Variants in ZNRF1 observed in about 807,000 individuals in gnomAD.
ZNRF1 encodes zinc and ring finger 1, also known as E3 ubiquitin-protein ligase ZNRF1.
In ZNRF1, 3 loss-of-function variants were observed where a neutral mutation model predicts 18.4. That is an observed-to-expected ratio of 0.16 (90% CI 0.07 to 0.42). The LOEUF is 0.42. ZNRF1 is among the 10% of genes least tolerant of loss of function. ZNRF1 has a pLI of 0.99. For synonymous variants in ZNRF1, 157 were observed against 144.2 expected (o/e 1.09, Z -0.64); for missense variants, 310 against 329.8 (o/e 0.94, Z 0.47).
At chr16:75,042,122 A>T (rs1358767686) in intron 1 of ZNRF1, among the ~76,000 whole-genome samples, 1 of 152,216 alleles carries the variant, frequency 6.6e-6, no homozygotes. Context: ...GTGAGTTGTA[A>T]GAGTTTATGT....
intron 1 of ZNRF1, among the ~76,000 whole-genome samples, chr16:75,074,785 A>T (rs1197619555): frequency 6.6e-6 from 1 of 152,086 alleles, no homozygotes; most frequent in African/African-American, 2.4e-5. Flanking sequence ...AGGTTTTTTT[A>T]GGCCCAGTGC....
At chr16:75,029,776 A>G (rs928444885) in intron 1 of ZNRF1, among the ~76,000 whole-genome samples, 1 of 149,760 alleles carries the variant, frequency 6.7e-6, no homozygotes, top group African/African-American at 2.5e-5. Context: ...CTCAGAACAA[A>G]CAAACAAAAA....
At chr16:75,077,003 C>T (rs1360932830) in intron 1 of ZNRF1, among the ~76,000 whole-genome samples, 2 of 152,078 alleles carry the variant, frequency 1.3e-5, no homozygotes, top group Non-Finnish European at 2.9e-5. Flanking sequence ...TTAAGCCGTC[C>T]AGTCTGCAGT....
At chr16:75,012,738 G>A (rs113517078) in intron 1 of ZNRF1, among the ~76,000 whole-genome samples, 8 of 152,206 alleles carry the variant, frequency 5.3e-5, no homozygotes, top group African/African-American at 1.9e-4. Flanking sequence ...CAGTTTCTCG[G>A]GACTCATGTC....
Position 74,999,982 on chromosome 16 carries a change from A to G in ZNRF1, c.311A>G (p.Gln104Arg), listed in dbSNP as rs778939696. 2 of 1,584,778 alleles carry G rather than the reference A, an allele frequency of 1.3e-6. No homozygotes were observed. Among genetic ancestry groups the G allele is most frequent in the Admixed American group, 1.8e-5 (1 of 55,232 alleles). The change falls in exon 1 of 5, where the codon CAG becomes CGG. Residue 104 changes from glutamine (Q) to arginine (R), a missense_variant. By Grantham distance (43) the Gln-to-Arg change is conservative. Coordinates refer to ENST00000335325, the MANE Select transcript of ZNRF1 (RefSeq NM_032268.5). The part of the protein sequence containing the change: ...DSTYAHGNGY[Q>R]ETGGGHHRDG... ...ACCTATGCCCATGGCAATGGTTACC[A>G]GGAGACGGGCGGCGGTCACCATAGA...
intron 1 of ZNRF1, 119 bp downstream of exon 1, chr16:75,000,214 T>G: frequency 1.5e-6 from 2 of 1,373,966 alleles, no homozygotes; most frequent in Non-Finnish European, 2.0e-6. Context: ...GCATTCCCTT[T>G]GGTTCCCGAT....
intron 1 of ZNRF1, among the ~76,000 whole-genome samples, chr16:75,035,521 A>G (rs1452247166): frequency 2.0e-5 from 3 of 152,204 alleles, no homozygotes; most frequent in Non-Finnish European, 4.4e-5. Context: ...GAGCATAGGC[A>G]GAAGGAGAGA....
intron 1 of ZNRF1, among the ~76,000 whole-genome samples, chr16:75,018,483 G>C (rs1159503944): frequency 6.6e-6 from 1 of 152,062 alleles, no homozygotes; most frequent in African/African-American, 2.4e-5. Context: ...TATGATCATG[G>C]GAATCCTTAT....
intron 1 of ZNRF1, among the ~76,000 whole-genome samples, chr16:75,011,802 C>G (rs1265989827): frequency 6.6e-6 from 1 of 152,152 alleles, no homozygotes; most frequent in Non-Finnish European, 1.5e-5. Flanking sequence ...CTTCCTCAAC[C>G]CAGAGGCCAA....
intron 1 of ZNRF1, among the ~76,000 whole-genome samples, chr16:75,053,370 C>A (rs1055447295): frequency 3.3e-5 from 5 of 152,024 alleles, no homozygotes; most frequent in African/African-American, 1.2e-4. Context: ...AGGTGGATCA[C>A]CTGAGGTCAG....
At chr16:75,038,979 C>G (rs574029241) in intron 1 of ZNRF1, among the ~76,000 whole-genome samples, 1 of 152,068 alleles carries the variant, frequency 6.6e-6, no homozygotes. Flanking sequence ...AGAACCATAT[C>G]TTCTTCTGTG....
intron 1 of ZNRF1, among the ~76,000 whole-genome samples, chr16:75,007,920 C>CAAT (rs1463571770): frequency 6.6e-6 from 1 of 152,050 alleles, no homozygotes; most frequent in African/African-American, 2.4e-5. Flanking sequence ...GGCTGGAGTG[C>CAAT]AATAGCAAGA....
chr16:75,026,311 A>G (rs928256548), intron 1 of ZNRF1, among the ~76,000 whole-genome samples: 16 of 152,066 alleles, frequency 1.1e-4, no homozygotes, highest in African/African-American at 3.6e-4. Context: ...TGTGTGGGCA[A>G]GAGTAAAAGT....
At chr16:75,071,823 A>G (rs745588511) in intron 1 of ZNRF1, among the ~76,000 whole-genome samples, 18 of 152,134 alleles carry the variant, frequency 1.2e-4, no homozygotes, top group Admixed American at 1.3e-4. Context: ...CTTTGAAACA[A>G]TAATCTCCCT....
At chr16:75,050,604 C>A (rs1396636571) in intron 1 of ZNRF1, among the ~76,000 whole-genome samples, 2 of 151,906 alleles carry the variant, frequency 1.3e-5, no homozygotes, top group Non-Finnish European at 1.5e-5. Flanking sequence ...CACGGTGGCT[C>A]ACGCCTGTAA....
In ZNRF1 at chr16:75,109,814, C is replaced by G. The variant is rs1165961352; in HGVS notation, c.*2114C>G. 7 of 152,458 alleles carry G rather than the reference C, an allele frequency of 4.6e-5. No homozygotes were observed. Among genetic ancestry groups the G allele is most frequent in the African/African-American group, 1.7e-4 (7 of 41,602 alleles). The allele number at this position is 152,458 out of a possible 1,614,324, so 9.4% of individuals were successfully genotyped here. A position where few individuals can be genotyped will look rare whatever the true frequency, so the allele number is the denominator to read the frequency against. ...TGCCCTGCAGGTCTTGGCACATGCA[C>G]AGCAGGCTCCCCATAGCTTTGTCAC... On this transcript the variant is annotated 3_prime_UTR_variant, in exon 5 of 5. Transcript: ENST00000335325.
intron 2 of ZNRF1, among the ~76,000 whole-genome samples, chr16:75,098,236 C>T (rs960355498): frequency 2.6e-5 from 4 of 152,308 alleles, no homozygotes; most frequent in South Asian, 2.1e-4. Flanking sequence ...GGAGCGAAAG[C>T]GACTAGGGGA....
chr16:75,048,420 C>G lies in ZNRF1; in HGVS notation c.425-45152C>G, dbSNP rs370098967. 4.7e-4 allele frequency among the ~76,000 whole-genome samples: 71 copies of G among 152,260 alleles called. 2 individuals carry two copies. The East Asian group carries it at 0.011, about 24-fold the overall frequency. On this transcript the variant is annotated intron_variant, in intron 1 of 4. Transcript: ENST00000335325. ...AAATTTGGGGAGGGACACTATTCAG[C>G]CCCTAACATTGAATAATGCTGGCTT...
chr16:75,104,814 G>T lies in ZNRF1; in HGVS notation c.551G>T (p.Cys184Phe). 6.2e-7 allele frequency: 1 copy of T among 1,610,552 alleles called. No individual in the cohort carries two copies. The highest frequency in any genetic ancestry group is 8.5e-7 in the Non-Finnish European group (1 of 1,178,952). Residue 184 changes from cysteine to phenylalanine, a missense_variant, in exon 3 of 5, where the codon TGT becomes TTT. Physicochemically the swap from Cys to Phe is radical, Grantham distance 205 (BLOSUM62 -2). Coordinates refer to ENST00000335325, the MANE Select transcript of ZNRF1 (RefSeq NM_032268.5). ...DDVLTKDAGECVICLEELLQG... is the reference protein window; with the variant it reads ...DDVLTKDAGEFVICLEELLQG... ...GTGCTGACTAAAGACGCGGGTGAGT[G>T]TGTGATCTGCCTGGAGGAGCTGCTG...
Sources: allele counts gnomAD v4.1 joint callset (sites outside exome capture counted in the v4.1 genomes callset), GRCh38; gene constraint gnomAD v4.1.1; transcripts MANE v1.5; gene names NCBI Gene and HGNC (gene_info 2026-07-23, HGNC 2026-07-21).